The following FHL5 variants were observed in gnomAD, a reference collection of about 807,000 sequenced individuals.
FHL5 encodes four and a half LIM domains 5.
In FHL5, 33 loss-of-function variants were observed where a neutral mutation model predicts 32.0. The observed-to-expected ratio is 1.03, with a 90% CI of 0.78 to 1.38. FHL5 has a LOEUF of 1.38. Among genes scored for constraint, FHL5 ranks in the 40% most tolerant of loss-of-function variants. The pLI, the probability that FHL5 is intolerant of heterozygous loss-of-function variation, is 0.00. For missense variants in FHL5, 336 were observed against 343.9 expected, an observed-to-expected ratio of 0.98 and a Z score of 0.18; for synonymous variants, 114 against 113.6, an observed-to-expected ratio of 1.00 and a Z score of -0.02.
At chr6:96,567,825 CT>C (rs757441385) in intron 1 of FHL5, among the ~76,000 whole-genome samples, 5,833 of 110,442 alleles carry the variant, frequency 0.053, 124 homozygotes, top group South Asian at 0.15. Context: ...TTTTTGTATT[CT>C]TTTTTTTTTT....
chr6:96,607,595 A>C (rs182610899), intron 4 of FHL5, among the ~76,000 whole-genome samples: 1 of 152,324 alleles, frequency 6.6e-6, no homozygotes, highest in East Asian at 1.9e-4. Flanking sequence ...TTACTCTACC[A>C]AAACACTGGC....
chr6:96,597,030 T>A (rs528487496), intron 1 of FHL5, among the ~76,000 whole-genome samples: 1 of 152,164 alleles, frequency 6.6e-6, no homozygotes, highest in East Asian at 1.9e-4. Flanking sequence ...CATCATTACC[T>A]CCAACATGAA....
chr6:96,596,552 A>G (rs897486848), intron 1 of FHL5, among the ~76,000 whole-genome samples: 2 of 152,008 alleles, frequency 1.3e-5, no homozygotes, highest in Non-Finnish European at 2.9e-5. Flanking sequence ...GACCTTCACG[A>G]TATCTGCTTC....
chr6:96,586,177 G>A (rs979746400), intron 1 of FHL5, among the ~76,000 whole-genome samples: 1 of 152,128 alleles, frequency 6.6e-6, no homozygotes, highest in Admixed American at 6.6e-5. Flanking sequence ...AGCACACAAA[G>A]CCCTTTCTTG....
Position 96,610,558 on chromosome 6 carries a change from G to A in FHL5, c.505-14G>A. 6.2e-7 allele frequency: 1 copy of A among 1,606,456 alleles called. No individual in the cohort carries two copies. The highest frequency in any genetic ancestry group is 8.5e-7 in the Non-Finnish European group (1 of 1,174,076). The stretch of plus-strand genomic sequence containing the variant: ...GGCTCCCATGGTCATTGCCTTTTCT[G>A]TGGTCTTTGGCAGGTGATAACTTCA... On this transcript the variant is annotated splice_polypyrimidine_tract_variant and intron_variant, in intron 4 of 5. Transcript: ENST00000450218.
In FHL5 at chr6:96,584,501, G is replaced by T. The variant is rs546707872; in HGVS notation, c.-12-19101G>T. ...TGTGTGTGTGTGTTGGAAAGTCTGG[G>T]GTGGGGAAAGGGCTGGAGATAGTGA... On this transcript the variant is annotated intron_variant, in intron 1 of 5. Coordinates refer to ENST00000450218, the MANE Select transcript of FHL5 (RefSeq NM_001322466.2). Among the ~76,000 whole-genome samples, 545 of 151,444 alleles carry T rather than the reference G, an allele frequency of 3.6e-3. 6 individuals carry two copies. Among genetic ancestry groups the T allele is most frequent in the African/African-American group, 0.012 (507 of 41,304 alleles).
At chr6:96,583,687 T>C (rs1770740118) in intron 1 of FHL5, among the ~76,000 whole-genome samples, 1 of 152,160 alleles carries the variant, frequency 6.6e-6, no homozygotes, top group African/African-American at 2.4e-5. Flanking sequence ...GATATCTTCC[T>C]TGGCTGATAT....
intron 1 of FHL5, among the ~76,000 whole-genome samples, chr6:96,592,678 G>T (rs1443968479): frequency 6.6e-6 from 1 of 152,150 alleles, no homozygotes; most frequent in African/African-American, 2.4e-5. Flanking sequence ...GTAAAGACAG[G>T]CATAAGAAAT....
intron 1 of FHL5, among the ~76,000 whole-genome samples, chr6:96,576,074 G>C (rs1770578648): frequency 6.6e-6 from 1 of 152,118 alleles, no homozygotes; most frequent in Non-Finnish European, 1.5e-5. Flanking sequence ...CTGTGTGGAC[G>C]GCCCTCAGCT....
chr6:96,577,146 T>C (rs1420237413), intron 1 of FHL5, among the ~76,000 whole-genome samples: 2 of 152,188 alleles, frequency 1.3e-5, no homozygotes, highest in Non-Finnish European at 2.9e-5. Context: ...GCTTTAAATA[T>C]CAAATGGCCA....
rs1273949227 is a variant in FHL5, at chr6:96,590,571, C to T, written c.-12-13031C>T. 2.6e-5 allele frequency among the ~76,000 whole-genome samples: 4 copies of T among 151,898 alleles called. No individual in the cohort carries two copies. In the East Asian group the frequency reaches 7.7e-4, roughly 29 times the overall value. On this transcript the variant is annotated intron_variant, in intron 1 of 5. Coordinates refer to ENST00000450218, the MANE Select transcript of FHL5 (RefSeq NM_001322466.2). ...ACATCAGCAAATAATGAGTTTGTTT[C>T]CTTTTAACTCTTGTACTTTTTTCCC...
At chr6:96,565,822 G>A (rs2127957131) in intron 1 of FHL5, among the ~76,000 whole-genome samples, 1 of 151,986 alleles carries the variant, frequency 6.6e-6, no homozygotes, top group African/African-American at 2.4e-5. Context: ...TAAGTCACAT[G>A]ACTTCTAAGA....
intron 4 of FHL5, among the ~76,000 whole-genome samples, chr6:96,609,856 C>A (rs1263007890): frequency 6.6e-6 from 1 of 152,124 alleles, no homozygotes; most frequent in African/African-American, 2.4e-5. Context: ...ATGACTGTAA[C>A]CCTCACTAGT....
intron 1 of FHL5, among the ~76,000 whole-genome samples, chr6:96,572,896 C>T (rs1447473255): frequency 6.6e-6 from 1 of 152,160 alleles, no homozygotes; most frequent in Non-Finnish European, 1.5e-5. Flanking sequence ...TTTTTGTGCT[C>T]ACCCAAGTTT....
intron 4 of FHL5, among the ~76,000 whole-genome samples, chr6:96,608,407 T>C (rs1771330043): frequency 6.6e-6 from 1 of 152,186 alleles, no homozygotes; most frequent in Admixed American, 6.5e-5. Context: ...ACAAGTCCTT[T>C]TCTAAAAAGC....
chr6:96,566,402 A>T (rs1366072256), intron 1 of FHL5, among the ~76,000 whole-genome samples: 5 of 151,974 alleles, frequency 3.3e-5, no homozygotes, highest in African/African-American at 1.2e-4. Flanking sequence ...TCGCCTATTG[A>T]TGGAAACTTA....
intron 1 of FHL5, among the ~76,000 whole-genome samples, chr6:96,594,952 TTAG>T (rs1771005374): frequency 6.6e-6 from 1 of 151,990 alleles, no homozygotes; most frequent in Admixed American, 6.6e-5. Context: ...CCCCAGTACA[TTAG>T]TATTATTATG....
intron 1 of FHL5, among the ~76,000 whole-genome samples, chr6:96,576,191 C>G (rs1234780483): frequency 6.6e-6 from 1 of 152,192 alleles, no homozygotes; most frequent in East Asian, 1.9e-4. Flanking sequence ...TCCTAAAATA[C>G]CCAGAGTAGC....
At chr6:96,584,351 T>C (rs1172186871) in intron 1 of FHL5, among the ~76,000 whole-genome samples, 1 of 151,966 alleles carries the variant, frequency 6.6e-6, no homozygotes, top group Non-Finnish European at 1.5e-5. Context: ...AGAGGAGTCA[T>C]GTGTGACAAC....
Sources: allele counts gnomAD v4.1 joint callset (sites outside exome capture counted in the v4.1 genomes callset), GRCh38; gene constraint gnomAD v4.1.1; transcripts MANE v1.5; gene names NCBI Gene and HGNC (gene_info 2026-07-23, HGNC 2026-07-21).